Variants in CAMSAP1 observed in about 807,000 individuals in gnomAD.
The protein encoded by CAMSAP1 is calmodulin regulated spectrin associated protein 1, also known as calmodulin-regulated spectrin-associated protein 1.
In CAMSAP1, 58 loss-of-function variants were observed where a neutral mutation model predicts 143.5. The observed-to-expected ratio is 0.40, with a 90% CI of 0.33 to 0.50. The LOEUF (loss-of-function observed/expected upper bound fraction) is 0.50, where lower values mean the gene tolerates loss of function less well. Among genes scored for constraint, CAMSAP1 ranks in the 20% least tolerant of loss-of-function variants. The pLI, the probability that CAMSAP1 is intolerant of heterozygous loss-of-function variation, is 0.45. For missense variants in CAMSAP1, 1,969 were observed against 2,115.7 expected (o/e 0.93, Z 1.36); for synonymous variants, 945 against 859.3 (o/e 1.10, Z -1.74).
At chr9:135,868,579 C>A (rs542731837) in intron 3 of CAMSAP1, among the ~76,000 whole-genome samples, 101 of 147,454 alleles carry the variant, frequency 6.8e-4, no homozygotes, top group African/African-American at 2.4e-3. Flanking sequence ...AACTTCCTAA[C>A]ATGTAAAGGC....
At chr9:135,845,543 A>G (rs1206922596) in intron 7 of CAMSAP1, among the ~76,000 whole-genome samples, 1 of 152,216 alleles carries the variant, frequency 6.6e-6, no homozygotes, top group African/African-American at 2.4e-5. Context: ...AAAGAAATAA[A>G]GAGTATTCAA....
chr9:135,887,900 A>C (rs909242494), intron 1 of CAMSAP1, among the ~76,000 whole-genome samples: 2 of 152,238 alleles, frequency 1.3e-5, no homozygotes, highest in African/African-American at 4.8e-5. Flanking sequence ...TGAGCAACGC[A>C]TTCGCAGTGG....
intron 1 of CAMSAP1, among the ~76,000 whole-genome samples, chr9:135,886,880 C>T (rs1838141129): frequency 6.6e-6 from 1 of 152,170 alleles, no homozygotes; most frequent in Admixed American, 6.5e-5. Flanking sequence ...GACAAAAACA[C>T]CAAACTTATA....
intron 7 of CAMSAP1, among the ~76,000 whole-genome samples, chr9:135,837,698 A>G (rs1211828486): frequency 7.1e-6 from 1 of 141,536 alleles, no homozygotes; most frequent in East Asian, 2.2e-4. Flanking sequence ...CTAGAGACAC[A>G]CGTCACCACG....
chr9:135,890,403 G>C (rs1355064992), intron 1 of CAMSAP1, among the ~76,000 whole-genome samples: 1 of 152,154 alleles, frequency 6.6e-6, no homozygotes, highest in Non-Finnish European at 1.5e-5. Context: ...GCAATCCAGA[G>C]AACCCGTCCC....
chr9:135,898,518 T>G (rs1050802483), intron 1 of CAMSAP1, among the ~76,000 whole-genome samples: 1 of 152,084 alleles, frequency 6.6e-6, no homozygotes, highest in Non-Finnish European at 1.5e-5. Context: ...TATATATATA[T>G]ACACAATTAA....
intron 3 of CAMSAP1, among the ~76,000 whole-genome samples, chr9:135,870,512 G>T (rs1277197469): frequency 6.6e-6 from 1 of 152,144 alleles, no homozygotes; most frequent in Non-Finnish European, 1.5e-5. Flanking sequence ...CTACTGACTA[G>T]GCCAGGCACA....
intron 3 of CAMSAP1, among the ~76,000 whole-genome samples, chr9:135,875,935 T>C (rs1837732635): frequency 6.6e-6 from 1 of 152,166 alleles, no homozygotes; most frequent in South Asian, 2.1e-4. Flanking sequence ...ACTGATAAAT[T>C]GGGCTACAAA....
At chr9:135,855,706 T>C (rs1055182015) in intron 5 of CAMSAP1, among the ~76,000 whole-genome samples, 2 of 141,012 alleles carry the variant, frequency 1.4e-5, no homozygotes, top group African/African-American at 2.7e-5. Context: ...ATCGGGCCAC[T>C]GCACTCCAGC....
At chr9:135,877,545 T>A (rs958239477) in intron 3 of CAMSAP1, among the ~76,000 whole-genome samples, 16 of 148,962 alleles carry the variant, frequency 1.1e-4, no homozygotes, top group Non-Finnish European at 1.9e-4. Flanking sequence ...GTGGCTCACA[T>A]CTGTAATCCT....
At chr9:135,883,315 G>C (rs1279715796) in intron 1 of CAMSAP1, among the ~76,000 whole-genome samples, 1 of 152,218 alleles carries the variant, frequency 6.6e-6, no homozygotes, top group Non-Finnish European at 1.5e-5. Context: ...ACTAACTGTA[G>C]CATCTCAGAC....
chr9:135,863,162 G>A (rs1480198131), intron 4 of CAMSAP1, among the ~76,000 whole-genome samples: 2 of 152,132 alleles, frequency 1.3e-5, no homozygotes, highest in African/African-American at 4.8e-5. Context: ...TCTATTAACG[G>A]CAATGAAGCA....
chr9:135,843,064 G>A (rs943470918), intron 7 of CAMSAP1, among the ~76,000 whole-genome samples: 15 of 151,838 alleles, frequency 9.9e-5, no homozygotes, highest in Non-Finnish European at 1.9e-4. Context: ...GTGGTGGCTC[G>A]CACCTGTAAT....
intron 10 of CAMSAP1, 22 bp from the exon 11 acceptor site, chr9:135,823,282 C>G: frequency 6.5e-7 from 1 of 1,532,954 alleles, no homozygotes; most frequent in East Asian, 2.3e-5. Context: ...GGAAGGCCCA[C>G]TGGGTGCGCT....
intron 1 of CAMSAP1, among the ~76,000 whole-genome samples, chr9:135,898,307 G>T (rs1838517491): frequency 1.3e-5 from 2 of 152,112 alleles, no homozygotes; most frequent in Non-Finnish European, 1.5e-5. Context: ...AGGGTACCAA[G>T]GATCTCTGTA....
rs1834977295 is a variant in CAMSAP1 at position 135,809,822 on chromosome 9, C to G, written c.*1487G>C. The G allele has an allele frequency of 6.6e-6, 1 of 152,564 alleles. No homozygotes were observed. Among genetic ancestry groups the G allele is most frequent in the Non-Finnish European group, 1.5e-5 (1 of 68,030 alleles). 9.5% of individuals were successfully genotyped at this position (152,564 alleles called of 1,614,324 possible). ...TACAAAATCGCAAGAGACTGTACTT[C>G]TCTTCAAAGGACTGAGGAAAGGGGA... On this transcript the variant is annotated 3_prime_UTR_variant, in exon 17 of 17. Coordinates refer to ENST00000389532, the MANE Select transcript of CAMSAP1 (RefSeq NM_015447.4).
chr9:135,850,437 G>C lies in CAMSAP1; in HGVS notation c.833C>G (p.Ser278Trp). ...LDDICLKEVTSMADSLYNIRL... is the reference protein window; with the variant it reads ...LDDICLKEVTWMADSLYNIRL... ...AATATTATACAGACTGTCGGCCATCGACGTTACCTCCTTTAAGCATATATC... is the reference window on the plus strand; with the variant it reads ...AATATTATACAGACTGTCGGCCATCCACGTTACCTCCTTTAAGCATATATC... The change falls in exon 6 of 17, where the codon TCG (serine) becomes TGG (tryptophan). Residue 278 changes from serine to tryptophan, a missense_variant. This residue lies in a region of CAMSAP1 where 221 missense variants were observed against 298.2 expected (regional missense o/e 0.74). Coordinates refer to ENST00000389532, the MANE Select transcript of CAMSAP1 (RefSeq NM_015447.4). 1.9e-6 allele frequency: 3 copies of C among 1,597,600 alleles called. No individual in the cohort carries two copies. The highest frequency in any genetic ancestry group is 2.6e-6 in the Non-Finnish European group (3 of 1,175,128).
chr9:135,830,597 A>AC, intron 7 of CAMSAP1, among the ~76,000 whole-genome samples: 1 of 152,212 alleles, frequency 6.6e-6, no homozygotes, highest in Admixed American at 6.5e-5. Flanking sequence ...AGGCTTCAAT[A>AC]CCCCACTTTA....
At chr9:135,833,743 T>C (rs1423830527) in intron 7 of CAMSAP1, among the ~76,000 whole-genome samples, 1 of 152,200 alleles carries the variant, frequency 6.6e-6, no homozygotes, top group East Asian at 1.9e-4. Context: ...AATAAGCTCC[T>C]TGACATTAGC....
Sources: allele counts gnomAD v4.1 joint callset (sites outside exome capture counted in the v4.1 genomes callset), GRCh38; gene constraint gnomAD v4.1.1; regional missense constraint gnomAD v4.1.1; transcripts MANE v1.5; gene names NCBI Gene and HGNC (gene_info 2026-07-23, HGNC 2026-07-21).